The following ITGA6 variants were observed in gnomAD, a reference collection of about 807,000 sequenced individuals.
ITGA6 encodes integrin subunit alpha 6, also known as integrin alpha-6.
Under a neutral mutation model 133.6 loss-of-function variants are expected in ITGA6, and 63 were observed. That is an observed-to-expected ratio of 0.47 (90% CI 0.38 to 0.58). The LOEUF (loss-of-function observed/expected upper bound fraction) is 0.58. ITGA6 is among the 20% of genes least tolerant of loss of function. ITGA6 has a pLI of 0.00. For synonymous variants in ITGA6, 434 were observed against 482.0 expected, an observed-to-expected ratio of 0.90 and a Z score of 1.30; for missense variants, 1,068 against 1,309.4, an observed-to-expected ratio of 0.82 and a Z score of 2.85.
intron 1 of ITGA6, among the ~76,000 whole-genome samples, chr2:172,462,525 G>A (rs1345232091): frequency 1.3e-5 from 2 of 152,254 alleles, no homozygotes; most frequent in African/African-American, 4.8e-5. Flanking sequence ...GCCGCCGCAT[G>A]TAAGACACGA....
chr2:172,470,764 A>G (rs1444167747), intron 4 of ITGA6, among the ~76,000 whole-genome samples: 1 of 152,218 alleles, frequency 6.6e-6, no homozygotes, highest in Non-Finnish European at 1.5e-5. Flanking sequence ...TGCATGGGAC[A>G]GTTTTTAATG....
At position 172,488,204 on chromosome 2, in the gene ITGA6, AAGTTTAAT is replaced by A; in HGVS notation, c.2484_2491del (p.Ser828ArgfsTer3). On this transcript the variant is annotated frameshift_variant, in exon 19 of 26. Coordinates refer to ENST00000684293, the MANE Select transcript of ITGA6 (RefSeq NM_000210.4). LOFTEE classifies it high-confidence loss of function. ...CTATGAAATCTGAAGATGAAGTGGGAAGTTTAATAGAGTATGAATTCAGGGTAAGTTGG... is the reference window on the plus strand; with the variant it reads ...CTATGAAATCTGAAGATGAAGTGGGAAGAGTATGAATTCAGGGTAAGTTGG... 1 of 1,613,528 alleles carries A rather than the reference AAGTTTAAT, an allele frequency of 6.2e-7. No homozygotes were observed. The highest frequency in any genetic ancestry group is 8.5e-7 in the Non-Finnish European group (1 of 1,179,492).
intron 11 of ITGA6, among the ~76,000 whole-genome samples, chr2:172,484,066 C>G (rs1310910614): frequency 6.6e-6 from 1 of 152,236 alleles, no homozygotes; most frequent in Non-Finnish European, 1.5e-5. Context: ...CCACCTTGGC[C>G]TCCCAGAGTG....
chr2:172,449,928 A>G (rs1684916325), intron 1 of ITGA6, among the ~76,000 whole-genome samples: 1 of 150,846 alleles, frequency 6.6e-6, no homozygotes, highest in African/African-American at 2.4e-5. Flanking sequence ...TCTCCAAAAA[A>G]AAAAAAAAAA....
At chr2:172,438,803 A>G (rs78181761) in intron 1 of ITGA6, among the ~76,000 whole-genome samples, 10,559 of 151,900 alleles carry the variant, frequency 0.07, 549 homozygotes, top group East Asian at 0.26. Context: ...TTTGGGGGCC[A>G]GGTCAAAGGT....
intron 23 of ITGA6, among the ~76,000 whole-genome samples, chr2:172,492,480 T>C (rs1046609759): frequency 6.6e-6 from 1 of 152,260 alleles, no homozygotes; most frequent in East Asian, 1.9e-4. Context: ...TAATTCTGAA[T>C]CTTGCTTCAT....
chr2:172,439,962 GAT>G (rs1351741709), intron 1 of ITGA6, among the ~76,000 whole-genome samples: 1 of 152,200 alleles, frequency 6.6e-6, no homozygotes, highest in Admixed American at 6.5e-5. Flanking sequence ...GGCTGGGAGA[GAT>G]AGAAAATACA....
At chr2:172,430,105 T>G (rs976134160) in intron 1 of ITGA6, among the ~76,000 whole-genome samples, 1 of 152,242 alleles carries the variant, frequency 6.6e-6, no homozygotes, top group Non-Finnish European at 1.5e-5. Flanking sequence ...CGGCCTTTTA[T>G]TAGCAGCTGT....
In ITGA6 at chr2:172,427,711, A is replaced by G; in HGVS notation, c.-78A>G. 4 of 1,397,968 alleles carry G rather than the reference A, an allele frequency of 2.9e-6. No individual in the cohort carries two copies. The highest frequency in any genetic ancestry group is 1.6e-5 in the South Asian group (1 of 61,314). The allele number at this position is 1,397,968 out of a possible 1,614,324, so 86.6% of individuals were successfully genotyped here. ...AGGCGAAGGTGGCTGCGGTAGCAGC[A>G]GCGCGGCAGCCTCGGACCCAGCCCG... On this transcript the variant is annotated 5_prime_UTR_variant, in exon 1 of 26. Coordinates refer to ENST00000684293, the MANE Select transcript of ITGA6 (RefSeq NM_000210.4).
At position 172,436,717 on chromosome 2, in the gene ITGA6, A is replaced by G. The variant is rs146066649; in HGVS notation, c.182+8747A>G. Among the ~76,000 whole-genome samples, 38 of 152,306 alleles carry G rather than the reference A, an allele frequency of 2.5e-4. No homozygotes were observed. In the East Asian group the frequency reaches 6.6e-3, roughly 26 times the overall value. ...GTGGCCAGCTTTTTGGGGTTTTCCT[A>G]TAGAAATTGTTCATTCAACAGATAT... On this transcript the variant is annotated intron_variant, in intron 1 of 25. Transcript: ENST00000684293.
At chr2:172,486,176 C>CAAAAAAAAAAAAAAAAAAAA (rs67271824) in intron 13 of ITGA6, among the ~76,000 whole-genome samples, 1 of 77,334 alleles carries the variant, frequency 1.3e-5, no homozygotes, top group Non-Finnish European at 2.5e-5. Flanking sequence ...ACTCTATCTC[C>CAAAAAAAAAAAAAAAAAAAA]AAAAAAAAAA....
intron 11 of ITGA6, among the ~76,000 whole-genome samples, chr2:172,482,056 TCA>T (rs1381495996): frequency 6.6e-6 from 1 of 152,196 alleles, no homozygotes; most frequent in African/African-American, 2.4e-5. Flanking sequence ...CAAACCACTC[TCA>T]GTTTGACTGT....
chr2:172,484,995 A>G, intron 12 of ITGA6, 53 bp downstream of exon 12: 2 of 1,595,474 alleles, frequency 1.3e-6, no homozygotes, highest in Non-Finnish European at 1.7e-6. Context: ...GAAAAAGGTT[A>G]TATGGTGATA....
At chr2:172,467,776 CAG>C (rs1324756140) in intron 3 of ITGA6, among the ~76,000 whole-genome samples, 6 of 152,110 alleles carry the variant, frequency 3.9e-5, no homozygotes, top group Admixed American at 1.3e-4. Flanking sequence ...CACCTGAGGT[CAG>C]GGGTTTGAGA....
chr2:172,492,282 T>C (rs1282701535), intron 23 of ITGA6, among the ~76,000 whole-genome samples: 1 of 152,262 alleles, frequency 6.6e-6, no homozygotes, highest in Non-Finnish European at 1.5e-5. Flanking sequence ...TGTTTGAATT[T>C]CTAGCAGCTG....
At position 172,465,078 on chromosome 2, in the gene ITGA6, A is replaced by G. The variant is rs565692600; in HGVS notation, c.183-461A>G. Reference sequence around the variant, plus strand: ...TAAGATATAGTCAGAATTACCCTTGAAAACTACCTCAGGAAGGCACAGTGT... The same window carrying G: ...TAAGATATAGTCAGAATTACCCTTGGAAACTACCTCAGGAAGGCACAGTGT... On this transcript the variant is annotated intron_variant, in intron 1 of 25. Coordinates refer to ENST00000684293, the MANE Select transcript of ITGA6 (RefSeq NM_000210.4). 6.3e-5 allele frequency: 13 copies of G among 207,390 alleles called. No individual in the cohort carries two copies. In the South Asian group the frequency reaches 9.7e-4, roughly 15 times the overall value. 12.8% of individuals were successfully genotyped at this position (207,390 alleles called of 1,614,324 possible).
At chr2:172,502,489 A>G (rs184395900) in intron 25 of ITGA6, among the ~76,000 whole-genome samples, 5 of 152,304 alleles carry the variant, frequency 3.3e-5, no homozygotes, top group Admixed American at 1.3e-4. Context: ...TAAGCATGCA[A>G]CTTCCATTTC....
chr2:172,473,639 C>CA (rs1274134582), intron 5 of ITGA6, among the ~76,000 whole-genome samples: 9 of 152,188 alleles, frequency 5.9e-5, no homozygotes, highest in Non-Finnish European at 1.3e-4. Context: ...AACATGCACT[C>CA]AATTATGCTT....
chr2:172,501,237 T>C (rs1687335461), intron 24 of ITGA6, among the ~76,000 whole-genome samples: 1 of 152,204 alleles, frequency 6.6e-6, no homozygotes, highest in African/African-American at 2.4e-5. Context: ...TTCGAATTTG[T>C]ATTGTGATTC....
Sources: gnomAD v4.1 joint callset for allele counts (sites outside exome capture counted in the v4.1 genomes callset) on GRCh38, gnomAD v4.1.1 for gene constraint, MANE v1.5 for transcripts, NCBI Gene and HGNC (gene_info 2026-07-23, HGNC 2026-07-21) for gene names.